The following MYO3B variants were observed in gnomAD, a reference collection of about 807,000 sequenced individuals.
MYO3B encodes the protein myosin IIIB, also known as myosin-IIIb.
MYO3B carries 156 observed loss-of-function variants against 174.6 expected under a neutral mutation model. The ratio of observed to expected loss-of-function variants is 0.89; its 90% CI spans 0.78 to 1.02. MYO3B has a LOEUF of 1.02. Ranked by LOEUF, MYO3B falls within the 50% of genes least tolerant of loss-of-function variation. MYO3B has a pLI of 0.00. For synonymous variants in MYO3B, 563 were observed against 569.1 expected (o/e 0.99, Z 0.15); for missense variants, 1,632 against 1,639.4 (o/e 1.00, Z 0.08).
rs1368609764 is a variant in MYO3B, at chr2:170,437,977, G to T, written c.2651-5990G>T. The stretch of plus-strand genomic sequence containing the variant: ...TATAACATGAAATCTCTCTTTTTAA[G>T]TATACAATACAGTATCAAATATGTG... On this transcript the variant is annotated intron_variant, in intron 22 of 34. Transcript: ENST00000408978. Among the ~76,000 whole-genome samples the T allele has an allele frequency of 2.0e-5, 3 of 151,540 alleles. No homozygotes were observed. The East Asian group carries it at 5.8e-4, about 29-fold the overall frequency.
chr2:170,493,161 G>T (rs1386336197), intron 25 of MYO3B, among the ~76,000 whole-genome samples: 3 of 152,092 alleles, frequency 2.0e-5, no homozygotes, highest in African/African-American at 7.2e-5. Flanking sequence ...GCATAATAAC[G>T]TGTAACATGG....
chr2:170,194,395 C>T (rs2092575289), intron 1 of MYO3B, among the ~76,000 whole-genome samples: 1 of 151,806 alleles, frequency 6.6e-6, no homozygotes, highest in South Asian at 2.1e-4. Context: ...GTCCCATCTA[C>T]TCCAGAGGCT....
intron 29 of MYO3B, 79 bp from the exon 30 acceptor site, chr2:170,519,359 C>A: frequency 9.3e-7 from 1 of 1,079,826 alleles, no homozygotes; most frequent in Non-Finnish European, 1.4e-6. Flanking sequence ...AGAAGGGCTG[C>A]AGAGAGTGTA....
chr2:170,495,042 A>C (rs1032634273), intron 25 of MYO3B, among the ~76,000 whole-genome samples: 6 of 152,184 alleles, frequency 3.9e-5, no homozygotes, highest in African/African-American at 1.4e-4. Flanking sequence ...CAATATATAA[A>C]ATCAATTCTA....
chr2:170,505,192 G>C (rs1301779798), intron 28 of MYO3B, among the ~76,000 whole-genome samples: 1 of 151,952 alleles, frequency 6.6e-6, no homozygotes. Flanking sequence ...AGGGGGGAGA[G>C]GGGAGAGGGG....
chr2:170,475,697 G>A lies in MYO3B; in HGVS notation c.3014+8986G>A, dbSNP rs116312103. Among the ~76,000 whole-genome samples the A allele has an allele frequency of 6.7e-3, 1,016 of 152,238 alleles. 2 individuals are homozygous for A. Among genetic ancestry groups the A allele is most frequent in the African/African-American group, 0.02 (810 of 41,538 alleles). ...TCCTTTATACTGCCACCAGAATTAC[G>A]TTTATAAAAATATCAAGATGATCAT... is the stretch of plus-strand genomic sequence containing the variant. On this transcript the variant is annotated intron_variant, in intron 25 of 34. Transcript: ENST00000408978.
Position 170,619,737 on chromosome 2 carries a change from C to CTTTTT in MYO3B, c.3734-31868_3734-31864dup, listed in dbSNP as rs71412032. 1.8e-3 allele frequency among the ~76,000 whole-genome samples: 89 copies of CTTTTT among 50,766 alleles called. 25 individuals are homozygous for CTTTTT. The highest frequency in any genetic ancestry group is 5.7e-3 in the African/African-American group (69 of 12,070). The allele number at this position is 50,766 out of a possible 152,430, so 33.3% of individuals were successfully genotyped here. On this transcript the variant is annotated intron_variant, in intron 32 of 34. Coordinates refer to ENST00000408978, the MANE Select transcript of MYO3B (RefSeq NM_138995.5). ...GATGGCCCATCACTGCTGCCATATT[C>CTTTTT]TTTTTTTTTTTTTTTTTTTTTTTTT...
At chr2:170,455,489 G>A (rs1683855183) in intron 23 of MYO3B, among the ~76,000 whole-genome samples, 1 of 152,176 alleles carries the variant, frequency 6.6e-6, no homozygotes, top group Non-Finnish European at 1.5e-5. Context: ...AGGACTCTGG[G>A]AATTCTACCT....
At chr2:170,294,894 G>T (rs1324923511) in intron 7 of MYO3B, among the ~76,000 whole-genome samples, 2 of 152,010 alleles carry the variant, frequency 1.3e-5, no homozygotes, top group East Asian at 3.9e-4. Flanking sequence ...GGATATATGA[G>T]AAATTGCTGT....
chr2:170,620,396 T>G (rs1038798374), intron 32 of MYO3B, among the ~76,000 whole-genome samples: 1 of 152,222 alleles, frequency 6.6e-6, no homozygotes, highest in Non-Finnish European at 1.5e-5. Flanking sequence ...CTCTTCCATT[T>G]ATTAACTATA....
chr2:170,393,984 T>C (rs1352336650), intron 16 of MYO3B, among the ~76,000 whole-genome samples: 1 of 152,162 alleles, frequency 6.6e-6, no homozygotes, highest in East Asian at 1.9e-4. Context: ...ATGGTAGGAA[T>C]GGCAGTGGAG....
At chr2:170,180,868 A>C (rs1202574261) in intron 1 of MYO3B, among the ~76,000 whole-genome samples, 1 of 152,160 alleles carries the variant, frequency 6.6e-6, no homozygotes, top group African/African-American at 2.4e-5. Flanking sequence ...CTCTCTATAC[A>C]CTATTCAACA....
intron 32 of MYO3B, among the ~76,000 whole-genome samples, chr2:170,637,728 C>A (rs1697637253): frequency 6.6e-6 from 1 of 152,182 alleles, no homozygotes. Flanking sequence ...TTGATTAGAG[C>A]AGAGAACTGA....
chr2:170,484,682 T>C (rs2106023017), intron 25 of MYO3B, among the ~76,000 whole-genome samples: 1 of 152,354 alleles, frequency 6.6e-6, no homozygotes, highest in African/African-American at 2.4e-5. Flanking sequence ...TAGTGCAATT[T>C]CTTAACCCAA....
chr2:170,493,929 C>T (rs1016186261), intron 25 of MYO3B, among the ~76,000 whole-genome samples: 6 of 152,214 alleles, frequency 3.9e-5, no homozygotes, highest in Non-Finnish European at 5.9e-5. Flanking sequence ...AATGGATCCT[C>T]CAGTGCCAGT....
chr2:170,316,545 C>T (rs1450529867), intron 7 of MYO3B, among the ~76,000 whole-genome samples: 1 of 152,198 alleles, frequency 6.6e-6, no homozygotes, highest in Non-Finnish European at 1.5e-5. Context: ...ATGGAGGATG[C>T]CATGCCACCT....
intron 7 of MYO3B, among the ~76,000 whole-genome samples, chr2:170,322,109 T>C (rs1226304545): frequency 3.2e-5 from 4 of 125,646 alleles, no homozygotes; most frequent in Non-Finnish European, 4.9e-5. Context: ...CGAGACTCCG[T>C]CTCGAAAAAA....
chr2:170,522,645 G>A (rs1039823644), intron 30 of MYO3B, among the ~76,000 whole-genome samples: 6 of 152,180 alleles, frequency 3.9e-5, no homozygotes, highest in African/African-American at 1.4e-4. Context: ...GCTCACTTCA[G>A]TTTGTCCTCC....
intron 32 of MYO3B, among the ~76,000 whole-genome samples, chr2:170,560,040 GTAA>G (rs1691604619): frequency 6.6e-6 from 1 of 152,132 alleles, no homozygotes; most frequent in Non-Finnish European, 1.5e-5. Flanking sequence ...CTGGTACATA[GTAA>G]GCATCTAATA....
Sources: gnomAD v4.1 joint callset for allele counts (sites outside exome capture counted in the v4.1 genomes callset) on GRCh38, gnomAD v4.1.1 for gene constraint, MANE v1.5 for transcripts, NCBI Gene and HGNC (gene_info 2026-07-23, HGNC 2026-07-21) for gene names.